IL1RAPL1: variants seen among roughly 807,000 people sequenced by gnomAD.
IL1RAPL1 encodes the protein interleukin-1 receptor accessory protein-like 1.
In IL1RAPL1, 3 loss-of-function variants were observed where a neutral mutation model predicts 48.4. The ratio of observed to expected loss-of-function variants is 0.06; its 90% CI spans 0.03 to 0.16. The LOEUF (loss-of-function observed/expected upper bound fraction) is 0.16. Among genes scored for constraint, IL1RAPL1 ranks in the 10% least tolerant of loss-of-function variants. The probability of loss-of-function intolerance (pLI) is 1.00; values close to 1 mark genes in which losing one functional copy is unlikely to be tolerated. For missense variants in IL1RAPL1, 349 were observed against 530.6 expected, an observed-to-expected ratio of 0.66 and a Z score of 3.36; for synonymous variants, 185 against 187.7, an observed-to-expected ratio of 0.99 and a Z score of 0.12.
chrX:29,764,419 T>A (rs1285303006), intron 6 of IL1RAPL1, among the ~76,000 whole-genome samples: 2 of 112,177 alleles, frequency 1.8e-5, no homozygotes, highest in African/African-American at 6.5e-5. Context: ...TTGTTTTTAT[T>A]AGGAGACAGC....
At chrX:29,235,392 C>G (rs1262829883) in intron 2 of IL1RAPL1, among the ~76,000 whole-genome samples, 1 of 111,510 alleles carries the variant, frequency 9.0e-6, no homozygotes, top group Non-Finnish European at 1.9e-5. Flanking sequence ...TGTACTGACT[C>G]TAGTTCAGAC....
intron 2 of IL1RAPL1, among the ~76,000 whole-genome samples, chrX:28,873,555 G>A (rs1396326953): frequency 6.8e-5 from 5 of 73,384 alleles, no homozygotes; most frequent in Admixed American, 2.0e-4. Context: ...TTTTTGAGAC[G>A]GAGTCTCGCT....
intron 2 of IL1RAPL1, among the ~76,000 whole-genome samples, chrX:29,195,719 C>T (rs1188860846): frequency 9.1e-6 from 1 of 109,663 alleles, no homozygotes; most frequent in African/African-American, 3.3e-5. Context: ...GCTACCACGA[C>T]TGGCTAATTT....
intron 5 of IL1RAPL1, among the ~76,000 whole-genome samples, chrX:29,614,928 C>A (rs1177072781): frequency 1.0e-4 from 11 of 108,963 alleles, no homozygotes; most frequent in African/African-American, 3.4e-4. Flanking sequence ...ACACTGCACT[C>A]CATCCAGCCT....
At chrX:29,683,292 A>G (rs1926515856) in intron 6 of IL1RAPL1, among the ~76,000 whole-genome samples, 1 of 112,216 alleles carries the variant, frequency 8.9e-6, no homozygotes, top group Non-Finnish European at 1.9e-5. Flanking sequence ...AGTTTATGTT[A>G]TAATCTCGGT....
intron 2 of IL1RAPL1, among the ~76,000 whole-genome samples, chrX:28,944,802 T>C (rs1292926732): frequency 9.1e-6 from 1 of 109,918 alleles, no homozygotes; most frequent in Admixed American, 9.7e-5. Flanking sequence ...AAAAAGATCA[T>C]TTTAAAATTT....
intron 5 of IL1RAPL1, among the ~76,000 whole-genome samples, chrX:29,458,743 A>G (rs1426854068): frequency 1.9e-5 from 2 of 107,776 alleles, no homozygotes; most frequent in Admixed American, 1.0e-4. Flanking sequence ...TTTTTGAGAC[A>G]GGGTGTCGCT....
intron 2 of IL1RAPL1, among the ~76,000 whole-genome samples, chrX:28,932,018 G>C (rs1158328422): frequency 9.2e-6 from 1 of 108,188 alleles, no homozygotes; most frequent in African/African-American, 3.4e-5. Context: ...CTCCAGTCTG[G>C]GTGACAGAGC....
chrX:29,325,432 C>A (rs2147629117), intron 3 of IL1RAPL1, among the ~76,000 whole-genome samples: 1 of 112,409 alleles, frequency 8.9e-6, no homozygotes, highest in East Asian at 2.8e-4. Flanking sequence ...CTCTCCTTTT[C>A]TCATACTTGT....
chrX:28,839,286 A>T (rs766977821), intron 2 of IL1RAPL1, among the ~76,000 whole-genome samples: 1 of 111,066 alleles, frequency 9.0e-6, no homozygotes, highest in South Asian at 3.7e-4. Context: ...ACCTATACCA[A>T]ACTGTGGTGG....
chrX:29,672,348 A>C (rs1183599658), intron 6 of IL1RAPL1, among the ~76,000 whole-genome samples: 1 of 112,074 alleles, frequency 8.9e-6, no homozygotes, highest in Non-Finnish European at 1.9e-5. Context: ...TATAAATACT[A>C]CTTAATCTTT....
chrX:29,339,351 A>G (rs1235565260), intron 3 of IL1RAPL1, among the ~76,000 whole-genome samples: 2 of 111,760 alleles, frequency 1.8e-5, no homozygotes, highest in African/African-American at 6.5e-5. Flanking sequence ...TACATTATGT[A>G]AAGAACCTAA....
At chrX:29,620,135 T>C (rs1255304866) in intron 5 of IL1RAPL1, among the ~76,000 whole-genome samples, 1 of 111,881 alleles carries the variant, frequency 8.9e-6, no homozygotes, top group Non-Finnish European at 1.9e-5. Flanking sequence ...CAGTTTCTAG[T>C]GGTTACTTAT....
intron 2 of IL1RAPL1, among the ~76,000 whole-genome samples, chrX:29,268,727 C>T (rs1020073591): frequency 8.9e-6 from 1 of 111,930 alleles, no homozygotes; most frequent in Non-Finnish European, 1.9e-5. Context: ...CTGCTTAATG[C>T]GCTATGCAGT....
At chrX:29,806,406 A>G (rs934809521) in intron 6 of IL1RAPL1, among the ~76,000 whole-genome samples, 1 of 112,154 alleles carries the variant, frequency 8.9e-6, no homozygotes, top group Non-Finnish European at 1.9e-5. Context: ...TATCTAAAAA[A>G]TTTTAACCTT....
intron 2 of IL1RAPL1, among the ~76,000 whole-genome samples, chrX:28,790,276 A>G (rs1300161616): frequency 3.6e-5 from 4 of 112,409 alleles, no homozygotes; most frequent in Non-Finnish European, 7.5e-5. Context: ...AGAAGATGAG[A>G]TAATGTACAA....
At chrX:29,579,561 T>C (rs1301331959) in intron 5 of IL1RAPL1, among the ~76,000 whole-genome samples, 1 of 112,331 alleles carries the variant, frequency 8.9e-6, no homozygotes, top group East Asian at 2.8e-4. Flanking sequence ...TTTTGTTTTT[T>C]AATAACCATT....
chrX:28,674,190 C>T (rs1934975406), intron 1 of IL1RAPL1, among the ~76,000 whole-genome samples: 2 of 111,121 alleles, frequency 1.8e-5, no homozygotes, highest in Non-Finnish European at 3.8e-5. Flanking sequence ...CATATTTTAT[C>T]TCATCACATT....
At chrX:29,907,782 A>G (rs188785435) in intron 6 of IL1RAPL1, among the ~76,000 whole-genome samples, 1 of 112,119 alleles carries the variant, frequency 8.9e-6, no homozygotes, top group East Asian at 2.8e-4. Flanking sequence ...GTTGAGTTCT[A>G]CATCTTATTG....
Sources: gnomAD v4.1 joint callset for allele counts (sites outside exome capture counted in the v4.1 genomes callset) on GRCh38, gnomAD v4.1.1 for gene constraint, MANE v1.5 for transcripts, NCBI Gene and HGNC (gene_info 2026-07-23, HGNC 2026-07-21) for gene names.